Variants in SLC25A12 observed in about 807,000 individuals in gnomAD.
SLC25A12 encodes the protein electrogenic aspartate/glutamate antiporter SLC25A12, mitochondrial.
In SLC25A12, 32 loss-of-function variants were observed where a neutral mutation model predicts 83.3. That is an observed-to-expected ratio of 0.38 (90% CI 0.29 to 0.52). SLC25A12 has a LOEUF of 0.52. SLC25A12 is among the 20% of genes least tolerant of loss of function. SLC25A12 has a pLI of 0.84. For synonymous variants in SLC25A12, 267 were observed against 291.1 expected (o/e 0.92, Z 0.84); for missense variants, 611 against 835.6 (o/e 0.73, Z 3.31).
chr2:171,793,918 C>CTAA, intron 13 of SLC25A12, 151 bp from the exon 14 acceptor site: 1 of 841,044 alleles, frequency 1.2e-6, no homozygotes, highest in Non-Finnish European at 1.9e-6. Flanking sequence ...CAGTTTGACA[C>CTAA]TTAGGCCAAC....
intron 2 of SLC25A12, among the ~76,000 whole-genome samples, chr2:171,880,998 G>A (rs1043374580): frequency 6.6e-6 from 1 of 152,092 alleles, no homozygotes; most frequent in Admixed American, 6.6e-5. Flanking sequence ...AATACTAATC[G>A]TTCCTACCTT....
At chr2:171,809,812 T>C (rs1683912860) in intron 12 of SLC25A12, 126 bp from the exon 13 acceptor site, 1 of 760,356 alleles carries the variant, frequency 1.3e-6, no homozygotes, top group South Asian at 1.5e-5. Flanking sequence ...AATGCTTACA[T>C]GTAAAATTAA....
At chr2:171,874,995 C>G (rs905481000) in intron 2 of SLC25A12, among the ~76,000 whole-genome samples, 1 of 152,190 alleles carries the variant, frequency 6.6e-6, no homozygotes, top group African/African-American at 2.4e-5. Context: ...ATTGGCTGTT[C>G]GCAATCAGAC....
chr2:171,797,262 A>T (rs1420057595), intron 13 of SLC25A12, among the ~76,000 whole-genome samples: 3 of 152,218 alleles, frequency 2.0e-5, no homozygotes, highest in Non-Finnish European at 4.4e-5. Context: ...AGAAATTCAA[A>T]TTCCCAATAA....
At chr2:171,889,289 A>G (rs998759282) in intron 2 of SLC25A12, among the ~76,000 whole-genome samples, 1 of 152,232 alleles carries the variant, frequency 6.6e-6, no homozygotes, top group Admixed American at 6.5e-5. Flanking sequence ...TGCCTTATCA[A>G]TTAACACCTA....
rs557387377 is a variant in SLC25A12, at chr2:171,839,787, A to G, written c.466-2520T>C. Among the ~76,000 whole-genome samples the G allele has an allele frequency of 2.1e-3, 319 of 152,308 alleles. 1 individual carries two copies. The highest frequency in any genetic ancestry group is 3.9e-3 in the Non-Finnish European group (262 of 68,024). ...GCCAATGTACATGACAGGACCCCCA[A>G]AAGATTCAATTATTAGCTGCATTGG... On this transcript the variant is annotated intron_variant, in intron 5 of 17. Coordinates refer to ENST00000422440, the MANE Select transcript of SLC25A12 (RefSeq NM_003705.5).
At chr2:171,815,966 G>T (rs1684042653) in intron 9 of SLC25A12, among the ~76,000 whole-genome samples, 1 of 149,498 alleles carries the variant, frequency 6.7e-6, no homozygotes, top group East Asian at 2.0e-4. Context: ...CACATAAGAT[G>T]TATTTTAAAG....
chr2:171,822,493 C>T (rs1684214093), intron 9 of SLC25A12, among the ~76,000 whole-genome samples: 1 of 152,170 alleles, frequency 6.6e-6, no homozygotes, highest in Non-Finnish European at 1.5e-5. Flanking sequence ...AAGCAATCCT[C>T]CCACCTCTGT....
chr2:171,886,145 C>A (rs1391326454), intron 2 of SLC25A12, among the ~76,000 whole-genome samples: 1 of 151,962 alleles, frequency 6.6e-6, no homozygotes, highest in Non-Finnish European at 1.5e-5. Context: ...GTGGTCTAGG[C>A]CTAACTCATT....
chr2:171,855,969 G>A lies in SLC25A12; in HGVS notation c.210-20C>T, dbSNP rs367820735. On this transcript the variant is annotated intron_variant, in intron 3 of 17. Transcript: ENST00000422440. ...ATCAACCTGGAATAAAATATAAAACGTCATTGGCTGGTGAAGAAAGGGAAA... is the reference window on the plus strand; with the variant it reads ...ATCAACCTGGAATAAAATATAAAACATCATTGGCTGGTGAAGAAAGGGAAA... 43 of 1,371,752 alleles carry A rather than the reference G, an allele frequency of 3.1e-5. No homozygotes were observed. In the African/African-American group the frequency reaches 3.6e-4, roughly 11 times the overall value. The allele number at this position is 1,371,752 out of a possible 1,614,324, so 85.0% of individuals were successfully genotyped here.
intron 3 of SLC25A12, 120 bp downstream of exon 3, chr2:171,868,561 G>A (rs182570824): frequency 4.7e-5 from 44 of 945,964 alleles, no homozygotes; most frequent in East Asian, 3.3e-4. Flanking sequence ...TGATCCGCCC[G>A]CCTCAGCCTT....
At chr2:171,796,662 A>G (rs1363495639) in intron 13 of SLC25A12, among the ~76,000 whole-genome samples, 1 of 151,958 alleles carries the variant, frequency 6.6e-6, no homozygotes, top group Non-Finnish European at 1.5e-5. Flanking sequence ...TTTTTTAGTA[A>G]TTAGTATACA....
chr2:171,829,714 C>T (rs1369268188), intron 8 of SLC25A12, among the ~76,000 whole-genome samples: 1 of 152,228 alleles, frequency 6.6e-6, no homozygotes, highest in Non-Finnish European at 1.5e-5. Context: ...AGGTTCCAAG[C>T]TTTGACCTTA....
rs3058854 is a variant in SLC25A12 at position 171,801,907 on chromosome 2, CTGTGTGTGTGTGTGTGTGTG to C, written c.1305+7679_1305+7698del. On this transcript the variant is annotated intron_variant, in intron 13 of 17. Coordinates refer to ENST00000422440, the MANE Select transcript of SLC25A12 (RefSeq NM_003705.5). ...ATTGGAAGTCGAGGAATATCTGGAT[CTGTGTGTGTGTGTGTGTGTG>C]TGTGTGTGTGTGTGTGTGTGTGTAC... 2.8e-3 allele frequency among the ~76,000 whole-genome samples: 414 copies of C among 145,498 alleles called. 2 individuals carry two copies. Among genetic ancestry groups the C allele is most frequent in the Non-Finnish European group, 5.1e-3 (335 of 66,294 alleles).
intron 13 of SLC25A12, among the ~76,000 whole-genome samples, chr2:171,804,116 AGT>A (rs1199817162): frequency 2.0e-5 from 3 of 152,234 alleles, no homozygotes; most frequent in Non-Finnish European, 4.4e-5. Flanking sequence ...AACAAACTGT[AGT>A]ATATCCATAT....
At chr2:171,803,810 T>TACACACACACAC (rs57628850) in intron 13 of SLC25A12, among the ~76,000 whole-genome samples, 2 of 148,426 alleles carry the variant, frequency 1.3e-5, no homozygotes, top group African/African-American at 5.1e-5. Context: ...TTTAAAAAAA[T>TACACACACACAC]ACACACACAC....
At chr2:171,826,990 T>G (rs1012136569) in intron 8 of SLC25A12, 108 bp from the exon 9 acceptor site, 3 of 714,190 alleles carry the variant, frequency 4.2e-6, no homozygotes, top group Non-Finnish European at 7.6e-6. Flanking sequence ...TAGTTTAAAA[T>G]CATTACTTCC....
chr2:171,793,691 G>T lies in SLC25A12; in HGVS notation c.1382C>A (p.Thr461Asn). The T allele has an allele frequency of 6.2e-7, 1 of 1,614,124 alleles. No individual in the cohort carries two copies. The highest frequency in any genetic ancestry group is 8.5e-7 in the Non-Finnish European group (1 of 1,180,038). Residue 461 changes from threonine (T) to asparagine (N), a missense_variant, in exon 14 of 18, where the codon ACC (threonine) becomes AAC (asparagine). Around this residue, in one of 3 missense-constraint regions of SLC25A12, gnomAD observed 540 missense variants for 777.5 expected, o/e 0.69. Transcript: ENST00000422440. Reference sequence around the variant, plus strand: ...CAGGGCGCTGACTCTGGGTCCCGTGGTGATCTCTCCAGCTACTTGCAGACG... The same window carrying T: ...CAGGGCGCTGACTCTGGGTCCCGTGTTGATCTCTCCAGCTACTTGCAGACG... Reference protein sequence around the residue: ...KIRLQVAGEITTGPRVSALNV... With the variant: ...KIRLQVAGEINTGPRVSALNV...
intron 4 of SLC25A12, among the ~76,000 whole-genome samples, chr2:171,855,485 A>G (rs1371859920): frequency 6.6e-6 from 1 of 152,194 alleles, no homozygotes; most frequent in African/African-American, 2.4e-5. Context: ...CTATCTAAAA[A>G]TCACTTAAAG....
Sources: gnomAD v4.1 joint callset for allele counts (sites outside exome capture counted in the v4.1 genomes callset) on GRCh38, gnomAD v4.1.1 for gene constraint, gnomAD v4.1.1 regional missense constraint, MANE v1.5 for transcripts, NCBI Gene and HGNC (gene_info 2026-07-23, HGNC 2026-07-21) for gene names.